Variants in PSD observed in about 807,000 individuals in gnomAD.
The protein encoded by PSD is pleckstrin and Sec7 domain containing.
PSD carries 32 observed loss-of-function variants against 91.6 expected under a neutral mutation model. The observed-to-expected ratio is 0.35, with a 90% CI of 0.26 to 0.47. The LOEUF (loss-of-function observed/expected upper bound fraction) is 0.47, where lower values mean the gene tolerates loss of function less well. Ranked by LOEUF, PSD falls within the 20% of genes least tolerant of loss-of-function variation. The pLI is 1.00. For synonymous variants in PSD, 532 were observed against 569.3 expected, an observed-to-expected ratio of 0.93 and a Z score of 0.93; for missense variants, 1,099 against 1,373.9, an observed-to-expected ratio of 0.80 and a Z score of 3.16.
At chr10:102,418,858 C>G, upstream of PSD, 2 of 391,480 alleles carry the variant, frequency 5.1e-6, no homozygotes, top group African/African-American at 2.1e-5. Flanking sequence ...TAATCCCCCC[C>G]ACCCCCCGCC....
rs1269333219 is a variant in PSD at position 102,410,702 on chromosome 10, C to T, written c.2091+156G>A. Among the ~76,000 whole-genome samples the T allele has an allele frequency of 6.6e-6, 1 of 152,166 alleles. No individual in the cohort carries two copies. The highest frequency in any genetic ancestry group is 1.9e-4 in the East Asian group (1 of 5,188). On this transcript the variant is annotated intron_variant, in intron 10 of 16. Transcript: ENST00000020673. The surrounding 1 kb of genome is among the most constrained non-coding windows in gnomAD (Gnocchi z 6.0). ...CTGCGCGTGGGGCCTGGGGAGGGGG[C>T]GGTCCCCAGGCTGAGTCACGAGAGC...
At position 102,414,082 on chromosome 10, in the gene PSD, G is replaced by A. The variant is rs1247522119; in HGVS notation, c.1240C>T (p.Arg414Trp). 12 of 1,614,120 alleles carry A rather than the reference G, an allele frequency of 7.4e-6. No individual in the cohort carries two copies. Among genetic ancestry groups the A allele is most frequent in the East Asian group, 2.2e-5 (1 of 44,878 alleles). Residue 414 changes from arginine to tryptophan, a missense_variant, in exon 5 of 17, where the codon CGG becomes TGG. By Grantham distance (101) the Arg-to-Trp change is moderately radical (BLOSUM62 -3). This residue lies in a region of PSD where 631 missense variants were observed against 728.8 expected (regional missense o/e 0.87). Coordinates refer to ENST00000020673, the MANE Select transcript of PSD (RefSeq NM_002779.5). This position sits in a 1 kb window ranked among gnomAD's most constrained non-coding sequence, Gnocchi z 5.6. ...CTGGTATAGGAGGTGCCTTTGGCCCGGTGTGACTCCAGGATGGCTTCGAAC... is the reference window on the plus strand; with the variant it reads ...CTGGTATAGGAGGTGCCTTTGGCCCAGTGTGACTCCAGGATGGCTTCGAAC... ...CVFEAILESHRAKGTSYTSLA... is the reference protein window; with the variant it reads ...CVFEAILESHWAKGTSYTSLA...
chr10:102,413,680 C>G, intron 5 of PSD, 89 bp downstream of exon 5: 1 of 1,360,812 alleles, frequency 7.3e-7, no homozygotes, highest in Non-Finnish European at 1.0e-6. Flanking sequence ...GAATATAAAC[C>G]AATCCTCACA....
Position 102,403,419 on chromosome 10 carries a change from G to A in PSD, c.2856C>T (p.Tyr952=), listed in dbSNP as rs2061309674. ...CCCGAAGCAGCGCTGCATAGGTGCTGTAGCGGGATTTCTGAGGCAGAGGGG... is the reference window on the plus strand; with the variant it reads ...CCCGAAGCAGCGCTGCATAGGTGCTATAGCGGGATTTCTGAGGCAGAGGGG... ...EAYLEFEKSR[Y]STYAALLRVK... Residue 952 remains tyrosine, a synonymous_variant, in exon 17 of 17, where the codon TAC becomes TAT. Transcript: ENST00000020673. This position sits in a 1 kb window ranked among gnomAD's most constrained non-coding sequence, Gnocchi z 6.7. The A allele has an allele frequency of 7.5e-6, 12 of 1,608,784 alleles. No homozygotes were observed. Among genetic ancestry groups the A allele is most frequent in the Non-Finnish European group, 1.0e-5 (12 of 1,178,092 alleles).
At position 102,414,737 on chromosome 10, in the gene PSD, A is replaced by G. The variant is rs537685783; in HGVS notation, c.1124+126T>C. On this transcript the variant is annotated intron_variant, in intron 4 of 16. Transcript: ENST00000020673. This position sits in a 1 kb window ranked among gnomAD's most constrained non-coding sequence, Gnocchi z 5.6. ...CTCTGTCTAGAATCTCCTGCTATAC[A>G]CACTGCCCCGCCAGCCCCACACCCA... The G allele has an allele frequency of 3.6e-5, 46 of 1,293,304 alleles. No individual in the cohort carries two copies. The highest frequency in any genetic ancestry group is 4.1e-5 in the Non-Finnish European group (40 of 970,148). 80.1% of individuals were successfully genotyped at this position (1,293,304 alleles called of 1,614,324 possible). A position where few individuals can be genotyped will look rare whatever the true frequency, so the allele number is the denominator to read the frequency against.
Position 102,402,654 on chromosome 10 carries a change from G to A in PSD, c.*546C>T, listed in dbSNP as rs1589876052. On this transcript the variant is annotated 3_prime_UTR_variant, in exon 17 of 17. Coordinates refer to ENST00000020673, the MANE Select transcript of PSD (RefSeq NM_002779.5). ...AGCAGTTTTAATGGGGGTGGAGGCT[G>A]TACAAAGGGCAAGGCCCACTGAAGC... 2.6e-6 allele frequency: 1 copy of A among 383,112 alleles called. No individual in the cohort carries two copies. The highest frequency in any genetic ancestry group is 7.0e-5 in the South Asian group (1 of 14,248). The allele number at this position is 383,112 out of a possible 1,614,324, so 23.7% of individuals were successfully genotyped here.
rs991772312 is a variant in PSD, at chr10:102,403,830, A to G, written c.2844+12T>C. On this transcript the variant is annotated intron_variant, in intron 16 of 16. Transcript: ENST00000020673. This position sits in a 1 kb window ranked among gnomAD's most constrained non-coding sequence, Gnocchi z 6.7. The stretch of plus-strand genomic sequence containing the variant: ...TGCGTGTGTGGACAGAGGGGCAGAC[A>G]GGGAGGCTCACCTCAAACTCCAGGT... 13 of 1,609,076 alleles carry G rather than the reference A, an allele frequency of 8.1e-6. No homozygotes were observed. Among genetic ancestry groups the G allele is most frequent in the African/African-American group, 1.3e-5 (1 of 74,896 alleles).
chr10:102,411,419 CAGCCAAA>C (rs1176843449), intron 8 of PSD, among the ~76,000 whole-genome samples: 1 of 152,186 alleles, frequency 6.6e-6, no homozygotes, highest in Non-Finnish European at 1.5e-5. Context: ...TAGACCAGTG[CAGCCAAA>C]CAGAATCCCC....
Position 102,403,982 on chromosome 10 carries a change from C to T in PSD, c.2704G>A (p.Glu902Lys). 1 of 1,553,298 alleles carries T rather than the reference C, an allele frequency of 6.4e-7. No individual in the cohort carries two copies. The highest frequency in any genetic ancestry group is 8.7e-7 in the Non-Finnish European group (1 of 1,151,146). ...PSAATRLSQEEQVRTHEAKLK... is the reference protein window; with the variant it reads ...PSAATRLSQEKQVRTHEAKLK... The stretch of plus-strand genomic sequence containing the variant: ...TTGGCCTCGTGGGTCCGCACCTGCT[C>T]CTCCTAGCGGCCAGGGGGAGGCATG... The change falls in exon 16 of 17, where the codon GAG becomes AAG. Residue 902 changes from glutamate (E) to lysine (K), a missense_variant. Glu to Lys is a moderately conservative substitution (Grantham distance 56, BLOSUM62 1). This residue lies in a region of PSD where 358 missense variants were observed against 426.5 expected (regional missense o/e 0.84). Transcript: ENST00000020673. This position sits in a 1 kb window ranked among gnomAD's most constrained non-coding sequence, Gnocchi z 6.7.
rs749413711 is a variant in PSD, at chr10:102,403,123, C to T, written c.*77G>A. 81 of 1,256,450 alleles carry T rather than the reference C, an allele frequency of 6.4e-5. No homozygotes were observed. The highest frequency in any genetic ancestry group is 2.3e-4 in the East Asian group (8 of 35,138). The allele number at this position is 1,256,450 out of a possible 1,614,324, so 77.8% of individuals were successfully genotyped here. On this transcript the variant is annotated 3_prime_UTR_variant, in exon 17 of 17. Coordinates refer to ENST00000020673, the MANE Select transcript of PSD (RefSeq NM_002779.5). This position sits in a 1 kb window ranked among gnomAD's most constrained non-coding sequence, Gnocchi z 6.7. The stretch of plus-strand genomic sequence containing the variant: ...GGCCGGGAGGCCCTCGTGGGTGGCC[C>T]GAGGCCGGCCCGGGCTCAGGCAGGG...
rs1410179105 is a variant in PSD, at chr10:102,415,221, G to A, written c.766C>T (p.Pro256Ser). The A allele has an allele frequency of 4.4e-6, 7 of 1,608,214 alleles. No individual in the cohort carries two copies. The highest frequency in any genetic ancestry group is 2.5e-6 in the Non-Finnish European group (3 of 1,177,176). Residue 256 changes from proline (P) to serine (S), a missense_variant, in exon 4 of 17, where the codon CCC (proline) becomes TCC (serine). Physicochemically the swap from Pro to Ser is moderately conservative, Grantham distance 74 (BLOSUM62 -1). Coordinates refer to ENST00000020673, the MANE Select transcript of PSD (RefSeq NM_002779.5). ...GGAGATGGGGGGGCCTGCTCTGGGG[G>A]CTTAGCACCTGTAGTGTGCATAGGC... ...SLDPPSSGAK[P>S]PEQAPPSPPG... is the part of the protein sequence containing the mutation.
rs144187898 is a variant in PSD at position 102,413,776 on chromosome 10, G to A, written c.1546C>T (p.Leu516Phe). ...EDSLGLGAAPLGSEPPLSQLV... is the reference protein window; with the variant it reads ...EDSLGLGAAPFGSEPPLSQLV... ...ACAAAAGGAATTACTTACCTGCCAAGGGGTGCTGCCCCCAGCCCAAGGCTG... is the reference window on the plus strand; with the variant it reads ...ACAAAAGGAATTACTTACCTGCCAAAGGGTGCTGCCCCCAGCCCAAGGCTG... The change falls in exon 5 of 17, where the codon CTT (leucine) becomes TTT (phenylalanine). Residue 516 changes from leucine (L) to phenylalanine (F), a missense_variant. Around this residue, in one of 3 missense-constraint regions of PSD, gnomAD observed 631 missense variants for 728.8 expected, o/e 0.87. Coordinates refer to ENST00000020673, the MANE Select transcript of PSD (RefSeq NM_002779.5). The A allele has an allele frequency of 9.5e-4, 1,522 of 1,608,016 alleles. 1 individual carries two copies. Among genetic ancestry groups the A allele is most frequent in the Non-Finnish European group, 1.2e-3 (1,420 of 1,175,934 alleles).
At position 102,414,469 on chromosome 10, in the gene PSD, C is replaced by T. The variant is rs2061455296; in HGVS notation, c.1125-272G>A. Among the ~76,000 whole-genome samples the T allele has an allele frequency of 6.6e-6, 1 of 152,108 alleles. No homozygotes were observed. The highest frequency in any genetic ancestry group is 2.4e-5 in the African/African-American group (1 of 41,418). ...TTTCCGTGATCCGCTTCCCTTCTGCCATCCCATTTCTATTTCTAGCAACAT... is the reference window on the plus strand; with the variant it reads ...TTTCCGTGATCCGCTTCCCTTCTGCTATCCCATTTCTATTTCTAGCAACAT... On this transcript the variant is annotated intron_variant, in intron 4 of 16. Coordinates refer to ENST00000020673, the MANE Select transcript of PSD (RefSeq NM_002779.5). The surrounding 1 kb of genome is among the most constrained non-coding windows in gnomAD (Gnocchi z 5.6).
Position 102,409,738 on chromosome 10 carries a change from C to A in PSD, c.2091+1120G>T, listed in dbSNP as rs1589886916. Among the ~76,000 whole-genome samples, 1 of 152,230 alleles carries A rather than the reference C, an allele frequency of 6.6e-6. No individual in the cohort carries two copies. The highest frequency in any genetic ancestry group is 1.9e-4 in the East Asian group (1 of 5,174). On this transcript the variant is annotated intron_variant, in intron 10 of 16. Transcript: ENST00000020673. The surrounding 1 kb of genome is among the most constrained non-coding windows in gnomAD (Gnocchi z 5.7). ...AACCAGACGCACCAGTTCACGGTCA[C>A]CCCAACTCGCAGACACTACCCATTC... is the stretch of plus-strand genomic sequence containing the variant.
rs555670422 is a variant in PSD at position 102,414,747 on chromosome 10, G to A, written c.1124+116C>T. 5.8e-5 allele frequency: 78 copies of A among 1,344,080 alleles called. 1 individual carries two copies. In the Admixed American group the frequency reaches 1.4e-3, roughly 24 times the overall value. The allele number at this position is 1,344,080 out of a possible 1,614,324, so 83.3% of individuals were successfully genotyped here. A position where few individuals can be genotyped will look rare whatever the true frequency, so the allele number is the denominator to read the frequency against. ...AATCTCCTGCTATACACACTGCCCC[G>A]CCAGCCCCACACCCATCTCTATCCC... On this transcript the variant is annotated intron_variant, in intron 4 of 16. Transcript: ENST00000020673. The surrounding 1 kb of genome is among the most constrained non-coding windows in gnomAD (Gnocchi z 5.6).
rs1476448855 is a variant in PSD, at chr10:102,414,349, G to C, written c.1125-152C>G. 1.3e-6 allele frequency: 1 copy of C among 785,288 alleles called. No individual in the cohort carries two copies. The allele number at this position is 785,288 out of a possible 1,614,324, so 48.6% of individuals were successfully genotyped here. On this transcript the variant is annotated intron_variant, in intron 4 of 16. Coordinates refer to ENST00000020673, the MANE Select transcript of PSD (RefSeq NM_002779.5). This position sits in a 1 kb window ranked among gnomAD's most constrained non-coding sequence, Gnocchi z 5.6. ...AACAAAAAAGAGCCTCTAGGGTAGG[G>C]CGCCAAGCTATTCAGTGCCCCCTGG...
At chr10:102,406,509 T>C (rs966692377) in intron 11 of PSD, among the ~76,000 whole-genome samples, 2 of 126,972 alleles carry the variant, frequency 1.6e-5, no homozygotes, top group Non-Finnish European at 3.2e-5. Context: ...TTCTTTTTTC[T>C]TTTTTTTTTT....
chr10:102,418,530 A>C (rs148799616), intron 1 of PSD, among the ~76,000 whole-genome samples, 171 bp downstream of exon 1: 1 of 152,186 alleles, frequency 6.6e-6, no homozygotes, highest in Non-Finnish European at 1.5e-5. Context: ...CCCAGGGGTA[A>C]GACAGATCCC....
chr10:102,405,221 G>A lies in PSD; in HGVS notation c.2359C>T (p.His787Tyr). The A allele has an allele frequency of 6.2e-7, 1 of 1,611,024 alleles. No individual in the cohort carries two copies. Among genetic ancestry groups the A allele is most frequent in the Non-Finnish European group, 8.5e-7 (1 of 1,179,850 alleles). ...PRGKRGWKSF[H>Y]GILKGMILYL... ...AGGATCATGCCCTTGAGGATCCCGT[G>A]GAAGCTCTTCCAGCCCCGCTTGCCC... The change falls in exon 13 of 17, where the codon CAC becomes TAC. Residue 787 changes from histidine to tyrosine, a missense_variant. His to Tyr is a moderately conservative substitution (Grantham distance 83). Transcript: ENST00000020673. This position sits in a 1 kb window ranked among gnomAD's most constrained non-coding sequence, Gnocchi z 5.4.
Sources: allele counts gnomAD v4.1 joint callset (sites outside exome capture counted in the v4.1 genomes callset), GRCh38; gene constraint gnomAD v4.1.1; regional missense constraint gnomAD v4.1.1; non-coding constraint Gnocchi (gnomAD v3.1); transcripts MANE v1.5; gene names NCBI Gene and HGNC (gene_info 2026-07-23, HGNC 2026-07-21).